Variants in CCDC152 observed in about 807,000 individuals in gnomAD.
The protein encoded by CCDC152 is coiled-coil domain containing 152, also known as coiled-coil domain-containing protein 152.
In CCDC152, 37 loss-of-function variants were observed where a neutral mutation model predicts 38.1. The ratio of observed to expected loss-of-function variants is 0.97; its 90% confidence interval spans 0.75 to 1.28. CCDC152 has a LOEUF of 1.28. CCDC152 is among the 50% of genes most tolerant of loss of function. The pLI is 0.00. For missense variants in CCDC152, 259 were observed against 292.1 expected, an observed-to-expected ratio of 0.89 and a Z score of 0.83; for synonymous variants, 83 against 87.1, an observed-to-expected ratio of 0.95 and a Z score of 0.26.
chr5:42,795,046 AT>A, intron 6 of CCDC152, among the ~76,000 whole-genome samples: 1 of 152,212 alleles, frequency 6.6e-6, no homozygotes, highest in Non-Finnish European at 1.5e-5. Context: ...AAGCTAGTTG[AT>A]TTAAACCCAA....
chr5:42,780,960 T>C (rs116874649), intron 5 of CCDC152, among the ~76,000 whole-genome samples: 2,978 of 152,308 alleles, frequency 0.02, 36 homozygotes, highest in Middle Eastern at 0.061. Flanking sequence ...TTACATTTTT[T>C]AGGAATGGCA....
chr5:42,797,106 G>A, intron 7 of CCDC152, 150 bp downstream of exon 7: 1 of 594,130 alleles, frequency 1.7e-6, no homozygotes, highest in Non-Finnish European at 2.8e-6. Context: ...CCAAATGATT[G>A]CAGTAATCAC....
At chr5:42,797,957 G>A (rs1760097548) in intron 7 of CCDC152, among the ~76,000 whole-genome samples, 1 of 151,870 alleles carries the variant, frequency 6.6e-6, no homozygotes. Context: ...AGACCAACCA[G>A]GCCAACGTGG....
chr5:42,758,638 T>C (rs1449947620), intron 1 of CCDC152, among the ~76,000 whole-genome samples: 1 of 152,170 alleles, frequency 6.6e-6, no homozygotes, highest in African/African-American at 2.4e-5. Context: ...TAGCTGGCTA[T>C]CCCCAAAGGT....
chr5:42,789,183 CA>C (rs1015534769), intron 6 of CCDC152, among the ~76,000 whole-genome samples: 1 of 152,230 alleles, frequency 6.6e-6, no homozygotes, highest in Non-Finnish European at 1.5e-5. Flanking sequence ...AGACAAGAAG[CA>C]CCCTCACTTA....
intron 3 of CCDC152, among the ~76,000 whole-genome samples, chr5:42,768,367 T>G (rs2910860): frequency 0.7 from 106,801 of 151,526 alleles, 38,187 homozygotes; most frequent in East Asian, 0.86. Context: ...ACAGTAGGAA[T>G]CAATAGTAAG....
At chr5:42,758,344 G>A (rs916049434) in intron 1 of CCDC152, among the ~76,000 whole-genome samples, 1 of 152,044 alleles carries the variant, frequency 6.6e-6, no homozygotes, top group South Asian at 2.1e-4. Context: ...ATTTTACTTT[G>A]GACTAGTTAC....
intron 5 of CCDC152, among the ~76,000 whole-genome samples, chr5:42,782,617 G>A (rs1759861095): frequency 6.6e-6 from 1 of 152,016 alleles, no homozygotes; most frequent in Non-Finnish European, 1.5e-5. Flanking sequence ...ACAATTTGGT[G>A]ATTGTTATCA....
chr5:42,767,595 A>T (rs1166181080), intron 3 of CCDC152, among the ~76,000 whole-genome samples: 1 of 152,232 alleles, frequency 6.6e-6, no homozygotes, highest in African/African-American at 2.4e-5. Flanking sequence ...TGTGGATTAA[A>T]TTTTGCAAAG....
intron 3 of CCDC152, among the ~76,000 whole-genome samples, chr5:42,764,166 C>G (rs944476730): frequency 1.1e-4 from 16 of 152,096 alleles, no homozygotes; most frequent in African/African-American, 3.9e-4. Flanking sequence ...AATCCCAGCA[C>G]TTTTGGAGGC....
chr5:42,800,465 C>T lies in CCDC152; in HGVS notation c.*684C>T, dbSNP rs1283953302. 2.6e-5 allele frequency: 10 copies of T among 383,844 alleles called. No individual in the cohort carries two copies. The highest frequency in any genetic ancestry group is 7.2e-4 in the Middle Eastern group (1 of 1,388). 23.8% of individuals were successfully genotyped at this position (383,844 alleles called of 1,614,324 possible). A position where few individuals can be genotyped will look rare whatever the true frequency, so the allele number is the denominator to read the frequency against. On this transcript the variant is annotated 3_prime_UTR_variant, in exon 9 of 9. Transcript: ENST00000361970. ...TCTATTCTCATTAAAGCAAATAGAA[C>T]ACTGGAAAAAGAAAAAAAAAGACAT... is the stretch of plus-strand genomic sequence containing the variant.
intron 6 of CCDC152, among the ~76,000 whole-genome samples, chr5:42,793,293 A>G (rs1312290569): frequency 1.3e-5 from 2 of 152,298 alleles, no homozygotes; most frequent in East Asian, 3.9e-4. Flanking sequence ...GCAAAAGGAT[A>G]GATTATAAAG....
At chr5:42,757,529 C>G (rs894509483) in intron 1 of CCDC152, among the ~76,000 whole-genome samples, 10 of 152,174 alleles carry the variant, frequency 6.6e-5, no homozygotes, top group Non-Finnish European at 1.2e-4. Context: ...GGTCACAAAT[C>G]AGTCTCTGCG....
At chr5:42,756,999 CCT>C (rs1759488117) in intron 1 of CCDC152, 114 bp downstream of exon 1, 1 of 152,674 alleles carries the variant, frequency 6.5e-6, no homozygotes, top group African/African-American at 2.4e-5. Context: ...TTTTCAGACA[CCT>C]CTCTCACATC....
In CCDC152 at chr5:42,801,057, T is replaced by C; in HGVS notation, c.*1276T>C. 1 of 1,614,230 alleles carries C rather than the reference T, an allele frequency of 6.2e-7. No homozygotes were observed. Among genetic ancestry groups the C allele is most frequent in the Admixed American group, 1.7e-5 (1 of 60,032 alleles). ...TCGACAGAGCTTCTTTTGTAAATCT[T>C]GTAAATCTTCACTTGCTGGCATATC... On this transcript the variant is annotated 3_prime_UTR_variant, in exon 9 of 9. Transcript: ENST00000361970.
chr5:42,775,569 AGAG>A (rs976778640), intron 4 of CCDC152, among the ~76,000 whole-genome samples: 17 of 152,188 alleles, frequency 1.1e-4, no homozygotes, highest in African/African-American at 3.9e-4. Flanking sequence ...AAATGATGAA[AGAG>A]GAGAGAAGCA....
At chr5:42,773,437 G>A (rs1426008232) in intron 4 of CCDC152, among the ~76,000 whole-genome samples, 1 of 151,988 alleles carries the variant, frequency 6.6e-6, no homozygotes, top group Admixed American at 6.6e-5. Flanking sequence ...TATATGTCAC[G>A]CATGATACAC....
intron 2 of CCDC152, among the ~76,000 whole-genome samples, chr5:42,759,915 T>A (rs1759527671): frequency 6.6e-6 from 1 of 152,162 alleles, no homozygotes; most frequent in South Asian, 2.1e-4. Flanking sequence ...AAACATACTA[T>A]ATATAGGGTT....
At chr5:42,764,487 C>T (rs1759599787) in intron 3 of CCDC152, among the ~76,000 whole-genome samples, 2 of 152,102 alleles carry the variant, frequency 1.3e-5, no homozygotes, top group African/African-American at 4.8e-5. Context: ...AAAATAACTA[C>T]AGGCTAATAT....
Sources: gnomAD v4.1 joint callset for allele counts (sites outside exome capture counted in the v4.1 genomes callset) on GRCh38, gnomAD v4.1.1 for gene constraint, MANE v1.5 for transcripts, NCBI Gene and HGNC (gene_info 2026-07-23, HGNC 2026-07-21) for gene names.